TAB2: variants seen among roughly 807,000 people sequenced by gnomAD.
The protein encoded by TAB2 is TGF-beta activated kinase 1 (MAP3K7) binding protein 2.
A neutral mutation model predicts 65.0 loss-of-function variants in TAB2; 3 were observed. The ratio of observed to expected loss-of-function variants is 0.05; its 90% CI spans 0.02 to 0.12. The LOEUF is 0.12. TAB2 is among the 10% of genes least tolerant of loss of function. The pLI, the probability that TAB2 is intolerant of heterozygous loss-of-function variation, is 1.00. For missense variants in TAB2, 623 were observed against 840.3 expected (o/e 0.74, Z 3.20); for synonymous variants, 298 against 285.1 (o/e 1.05, Z -0.46).
intron 1 of TAB2, chr6:149,255,459 A>C (rs1778003927): frequency 6.6e-6 from 1 of 152,282 alleles, no homozygotes; most frequent in Admixed American, 6.5e-5. Context: ...TACAAAGAAA[A>C]TAAGACTAAA....
intron 3 of TAB2, among the ~76,000 whole-genome samples, chr6:149,389,268 G>T (rs143866399): frequency 6.6e-6 from 1 of 151,738 alleles, no homozygotes; most frequent in African/African-American, 2.4e-5. Context: ...AAATCTTACC[G>T]TTATTTTCTC....
chr6:149,400,149 C>G, intron 6 of TAB2: 1 of 529,126 alleles, frequency 1.9e-6, no homozygotes, highest in Non-Finnish European at 3.3e-6. Context: ...ATTAAACTCA[C>G]CACTCACAAG....
At chr6:149,263,608 G>A (rs1464857192) in intron 1 of TAB2, among the ~76,000 whole-genome samples, 1 of 152,210 alleles carries the variant, frequency 6.6e-6, no homozygotes, top group Non-Finnish European at 1.5e-5. Flanking sequence ...GTCAACATAT[G>A]GAGATGAACA....
chr6:149,307,649 A>C (rs1460094417), intron 1 of TAB2, among the ~76,000 whole-genome samples: 2 of 136,654 alleles, frequency 1.5e-5, no homozygotes, highest in Non-Finnish European at 3.1e-5. Flanking sequence ...ACAGGAAAAA[A>C]TATGAATGTG....
At chr6:149,375,564 T>G (rs980108498) in intron 2 of TAB2, among the ~76,000 whole-genome samples, 11 of 151,960 alleles carry the variant, frequency 7.2e-5, no homozygotes, top group African/African-American at 2.7e-4. Context: ...ACAAAGGAAA[T>G]GTGGAATTGG....
Position 149,378,316 on chromosome 6 carries a change from C to T in TAB2, c.401C>T (p.Pro134Leu), listed in dbSNP as rs368926001. The T allele has an allele frequency of 6.8e-6, 11 of 1,614,086 alleles. No individual in the cohort carries two copies. The highest frequency in any genetic ancestry group is 1.1e-5 in the South Asian group (1 of 91,086). The change falls in exon 3 of 7, where the codon CCT becomes CTT. Residue 134 changes from proline (P) to leucine (L), a missense_variant. This residue lies in a region of TAB2 where 550 missense variants were observed against 665.7 expected (regional missense o/e 0.83). Transcript: ENST00000637181. The part of the protein sequence containing the change: ...QEPQTAPAQV[P>L]QGFNVFGMSS... ...CCACAGACAGCACCAGCTCAAGTTC[C>T]TCAAGGCTTTAATGTTTTTGGAATG...
At chr6:149,403,514 A>C (rs367756644) in intron 6 of TAB2, among the ~76,000 whole-genome samples, 1 of 151,622 alleles carries the variant, frequency 6.6e-6, no homozygotes, top group African/African-American at 2.4e-5. Flanking sequence ...CTTATTTTCA[A>C]CGTAGTACAG....
intron 1 of TAB2, among the ~76,000 whole-genome samples, chr6:149,238,024 G>A (rs897782397): frequency 1.3e-5 from 2 of 152,008 alleles, no homozygotes; most frequent in African/African-American, 4.8e-5. Flanking sequence ...TCCTCTCCGT[G>A]GTATTTAGCC....
At chr6:149,381,533 T>C (rs554422424) in intron 3 of TAB2, among the ~76,000 whole-genome samples, 1 of 152,062 alleles carries the variant, frequency 6.6e-6, no homozygotes, top group Non-Finnish European at 1.5e-5. Context: ...AAATAAAGTG[T>C]TTCTTAAACT....
In TAB2 at chr6:149,357,430, A is replaced by AAAAAAAACACACACACACACACAC; in HGVS notation, c.-89-12478_-89-12477insAAAAAACACACACACACACACACA. Among the ~76,000 whole-genome samples, 34 of 111,178 alleles carry AAAAAAAACACACACACACACACAC rather than the reference A, an allele frequency of 3.1e-4. 1 individual carries two copies. Among genetic ancestry groups the AAAAAAAACACACACACACACACAC allele is most frequent in the African/African-American group, 1.0e-3 (30 of 29,200 alleles). The allele number at this position is 111,178 out of a possible 152,430, so 72.9% of individuals were successfully genotyped here. On this transcript the variant is annotated intron_variant, in intron 1 of 6. Coordinates refer to ENST00000637181, the MANE Select transcript of TAB2 (RefSeq NM_001292034.3). ...GACTCCGTCTCAAGGAGAAAAAAAA[A>AAAAAAAACACACACACACACACAC]ACACACACACACACACACACACACA...
chr6:149,242,673 G>T (rs1415065159), intron 1 of TAB2, among the ~76,000 whole-genome samples: 1 of 152,150 alleles, frequency 6.6e-6, no homozygotes, highest in Non-Finnish European at 1.5e-5. Context: ...TTCCTTGTTG[G>T]CAGCCCCAAA....
intron 2 of TAB2, among the ~76,000 whole-genome samples, chr6:149,370,314 G>A (rs570343013): frequency 3.3e-5 from 5 of 152,330 alleles, no homozygotes; most frequent in Admixed American, 2.6e-4. Flanking sequence ...TAGAGTAGAT[G>A]TGAGAGTTAA....
chr6:149,320,598 A>G (rs1288973559), intron 1 of TAB2, among the ~76,000 whole-genome samples: 3 of 152,238 alleles, frequency 2.0e-5, no homozygotes, highest in Non-Finnish European at 2.9e-5. Flanking sequence ...AAAAATAAGT[A>G]TAATGTAGGC....
Position 149,369,933 on chromosome 6 carries a change from G to T in TAB2, c.-65G>T. On this transcript the variant is annotated 5_prime_UTR_variant, in exon 2 of 7. Transcript: ENST00000637181. ...GAAAATGCTTGGACAGAAGAGATGA[G>T]TACTATTTCCACTAAGGCCTAGAAT... is the stretch of plus-strand genomic sequence containing the variant. 7.4e-7 allele frequency: 1 copy of T among 1,353,828 alleles called. No individual in the cohort carries two copies. The highest frequency in any genetic ancestry group is 1.2e-5 in the South Asian group (1 of 85,880). The allele number at this position is 1,353,828 out of a possible 1,614,324, so 83.9% of individuals were successfully genotyped here. A position where few individuals can be genotyped will look rare whatever the true frequency, so the allele number is the denominator to read the frequency against.
At chr6:149,314,881 T>C (rs75287213), upstream of TAB2, among the ~76,000 whole-genome samples, 1 of 151,790 alleles carries the variant, frequency 6.6e-6, no homozygotes, top group African/African-American at 2.4e-5. Flanking sequence ...TTTTTTTTTT[T>C]CCTGTAGTGA....
At chr6:149,370,357 T>A (rs1210789107) in intron 2 of TAB2, among the ~76,000 whole-genome samples, 5 of 152,196 alleles carry the variant, frequency 3.3e-5, no homozygotes, top group African/African-American at 1.2e-4. Flanking sequence ...TGATAATATC[T>A]GTACTTACTA....
intron 1 of TAB2, chr6:149,245,199 A>G (rs1410583581): frequency 6.6e-6 from 1 of 152,258 alleles, no homozygotes; most frequent in Non-Finnish European, 1.5e-5. Flanking sequence ...AGAGCATGAC[A>G]TTCAGATTCA....
chr6:149,312,096 T>A (rs1164941748), intron 1 of TAB2, among the ~76,000 whole-genome samples: 1 of 152,210 alleles, frequency 6.6e-6, no homozygotes, highest in Non-Finnish European at 1.5e-5. Context: ...GGTAACTGAG[T>A]AGGTGAACAG....
At chr6:149,268,245 C>T (rs561810672) in intron 1 of TAB2, among the ~76,000 whole-genome samples, 6 of 152,258 alleles carry the variant, frequency 3.9e-5, no homozygotes, top group South Asian at 2.1e-4. Context: ...GTCTTAGCTC[C>T]GCATCACGGT....
Sources: gnomAD v4.1 joint callset for allele counts (sites outside exome capture counted in the v4.1 genomes callset) on GRCh38, gnomAD v4.1.1 for gene constraint, gnomAD v4.1.1 regional missense constraint, MANE v1.5 for transcripts, NCBI Gene and HGNC (gene_info 2026-07-23, HGNC 2026-07-21) for gene names.